DACH2: variants seen among roughly 807,000 people sequenced by gnomAD.
DACH2 encodes the protein dachshund homolog 2.
A neutral mutation model predicts 35.8 loss-of-function variants in DACH2; 17 were observed. The ratio of observed to expected loss-of-function variants is 0.48; its 90% CI spans 0.33 to 0.71. The LOEUF (loss-of-function observed/expected upper bound fraction) is 0.71, where lower values mean the gene tolerates loss of function less well. DACH2 is among the 30% of genes least tolerant of loss of function. The pLI is 0.02. For missense variants in DACH2, 469 were observed against 472.7 expected (o/e 0.99, Z 0.07); for synonymous variants, 195 against 177.3 (o/e 1.10, Z -0.79).
chrX:86,779,333 T>C (rs765881878), intron 7 of DACH2, among the ~76,000 whole-genome samples: 37 of 111,128 alleles, frequency 3.3e-4, no homozygotes, highest in Non-Finnish European at 6.6e-4. Context: ...GAGACAACAG[T>C]AAATATAAAT....
intron 7 of DACH2, among the ~76,000 whole-genome samples, chrX:86,768,389 T>G: frequency 8.9e-6 from 1 of 112,009 alleles, no homozygotes; most frequent in Non-Finnish European, 1.9e-5. Context: ...GAATCGGCTT[T>G]ATAATATATC....
At chrX:86,399,048 G>T (rs1394282768) in intron 2 of DACH2, among the ~76,000 whole-genome samples, 1 of 111,566 alleles carries the variant, frequency 9.0e-6, no homozygotes, top group African/African-American at 3.3e-5. Flanking sequence ...CTAAGGACTT[G>T]CTTTATGAAT....
intron 1 of DACH2, among the ~76,000 whole-genome samples, chrX:86,374,996 C>T (rs1286354798): frequency 9.1e-6 from 1 of 110,239 alleles, no homozygotes; most frequent in East Asian, 2.9e-4. Context: ...TCACATTTTA[C>T]TTAGAATGTC....
At chrX:86,688,256 C>G (rs1278163792) in intron 4 of DACH2, among the ~76,000 whole-genome samples, 1 of 111,323 alleles carries the variant, frequency 9.0e-6, no homozygotes, top group Non-Finnish European at 1.9e-5. Flanking sequence ...TTTAAATTGT[C>G]CTTTCTGATA....
chrX:86,427,541 C>T lies in DACH2; in HGVS notation c.527+50679C>T, dbSNP rs59554250. Among the ~76,000 whole-genome samples, 503 of 110,834 alleles carry T rather than the reference C, an allele frequency of 4.5e-3. 2 individuals are homozygous for T. Among genetic ancestry groups the T allele is most frequent in the African/African-American group, 0.016 (479 of 30,628 alleles). ...TGTTCCGCAATCTCGGAAGTATTTC[C>T]GCTGGTTTAGAGACTATGGCTCCTT... On this transcript the variant is annotated intron_variant, in intron 2 of 11. Coordinates refer to ENST00000373125, the MANE Select transcript of DACH2 (RefSeq NM_053281.3).
rs752501692 is a variant in DACH2 at position 86,425,328 on chromosome X, G to A, written c.527+48466G>A. ...GGTCCCTGCATTTTCTTTACTAGAA[G>A]ACTTTTTATTATGACTTCAGTCTCA... On this transcript the variant is annotated intron_variant, in intron 2 of 11. Transcript: ENST00000373125. Among the ~76,000 whole-genome samples, 29 of 110,645 alleles carry A rather than the reference G, an allele frequency of 2.6e-4. No individual in the cohort carries two copies. The South Asian group carries it at 0.011, about 42-fold the overall frequency.
intron 1 of DACH2, among the ~76,000 whole-genome samples, chrX:86,254,697 T>A (rs1423579718): frequency 1.0e-5 from 1 of 97,172 alleles, no homozygotes; most frequent in Non-Finnish European, 2.0e-5. Context: ...GAAGAAGCAC[T>A]CATAAGAAAG....
chrX:86,521,285 G>A (rs1035971745), intron 3 of DACH2, among the ~76,000 whole-genome samples: 2 of 111,410 alleles, frequency 1.8e-5, no homozygotes, highest in South Asian at 3.8e-4. Flanking sequence ...AGCCTGATAC[G>A]GTTACTTTTG....
At chrX:86,384,751 A>C (rs1286295081) in intron 2 of DACH2, among the ~76,000 whole-genome samples, 1 of 112,137 alleles carries the variant, frequency 8.9e-6, no homozygotes, top group Non-Finnish European at 1.9e-5. Context: ...GATGTAAAAA[A>C]TGTGTAGCTC....
At chrX:86,394,143 C>G (rs1427191691) in intron 2 of DACH2, among the ~76,000 whole-genome samples, 1 of 109,426 alleles carries the variant, frequency 9.1e-6, no homozygotes, top group Non-Finnish European at 1.9e-5. Context: ...TTGTACTTGT[C>G]ATGTACTGCC....
At chrX:86,537,292 C>T (rs2038816502) in intron 3 of DACH2, among the ~76,000 whole-genome samples, 1 of 111,184 alleles carries the variant, frequency 9.0e-6, no homozygotes, top group African/African-American at 3.3e-5. Flanking sequence ...TTCCCAAAGT[C>T]CCAAGCATGC....
chrX:86,437,729 G>A lies in DACH2; in HGVS notation c.527+60867G>A, dbSNP rs1194394892. Among the ~76,000 whole-genome samples, 3 of 110,670 alleles carry A rather than the reference G, an allele frequency of 2.7e-5. No homozygotes were observed. In the East Asian group the frequency reaches 8.5e-4, roughly 31 times the overall value. ...TATCTTTATTATTTTGAATAGTGCT[G>A]CAATTAACCTGTGAGTGCAGATATT... On this transcript the variant is annotated intron_variant, in intron 2 of 11. Coordinates refer to ENST00000373125, the MANE Select transcript of DACH2 (RefSeq NM_053281.3).
chrX:86,173,083 T>C (rs2031178138), intron 1 of DACH2, among the ~76,000 whole-genome samples: 1 of 112,141 alleles, frequency 8.9e-6, no homozygotes, highest in African/African-American at 3.2e-5. Context: ...TATGCTAGGA[T>C]CTGTGGATGC....
At chrX:86,286,273 G>T (rs6623618) in intron 1 of DACH2, among the ~76,000 whole-genome samples, 44,681 of 104,646 alleles carry the variant, frequency 0.43, 7,808 homozygotes, top group East Asian at 0.53. Context: ...GACTACAGGC[G>T]CCCGCCACCG....
At chrX:86,320,955 G>A (rs970442429) in intron 1 of DACH2, among the ~76,000 whole-genome samples, 4 of 111,626 alleles carry the variant, frequency 3.6e-5, no homozygotes, top group African/African-American at 1.3e-4. Context: ...TAAAGGGTGA[G>A]CCATTTCTCT....
At chrX:86,436,710 T>A (rs1390208564) in intron 2 of DACH2, among the ~76,000 whole-genome samples, 2 of 111,431 alleles carry the variant, frequency 1.8e-5, no homozygotes, top group African/African-American at 6.5e-5. Context: ...TTATAGAGAA[T>A]TGGAACAATT....
intron 1 of DACH2, among the ~76,000 whole-genome samples, chrX:86,308,622 G>T (rs111991428): frequency 0.029 from 3,202 of 111,742 alleles, 126 homozygotes; most frequent in African/African-American, 0.099. Context: ...ATGAAGGGGA[G>T]GCCGGGTCCC....
intron 1 of DACH2, among the ~76,000 whole-genome samples, chrX:86,169,642 C>T (rs1308998507): frequency 3.7e-5 from 4 of 109,517 alleles, no homozygotes; most frequent in Non-Finnish European, 7.6e-5. Flanking sequence ...CACTGTCTTT[C>T]TTCTGCTTGA....
At chrX:86,318,449 T>C (rs2034954080) in intron 1 of DACH2, among the ~76,000 whole-genome samples, 1 of 111,616 alleles carries the variant, frequency 9.0e-6, no homozygotes, top group African/African-American at 3.3e-5. Flanking sequence ...AAGATAAAAA[T>C]TGTCTGTAAA....
Sources: gnomAD v4.1 joint callset for allele counts (sites outside exome capture counted in the v4.1 genomes callset) on GRCh38, gnomAD v4.1.1 for gene constraint, MANE v1.5 for transcripts, NCBI Gene and HGNC (gene_info 2026-07-23, HGNC 2026-07-21) for gene names.